Variants in ZNF292 observed in about 807,000 individuals in gnomAD.
The protein encoded by ZNF292 is zinc finger protein 292, also known as 16 zinc-finger domain protein.
A neutral mutation model predicts 217.9 loss-of-function variants in ZNF292; 26 were observed. That is an observed-to-expected ratio of 0.12 (90% confidence interval 0.09 to 0.17). The LOEUF is 0.17. Among genes scored for constraint, ZNF292 ranks in the 10% least tolerant of loss-of-function variants. The probability of loss-of-function intolerance (pLI) is 1.00; values close to 1 mark genes in which losing one functional copy is unlikely to be tolerated. For synonymous variants in ZNF292, 1,257 were observed against 1,124.1 expected, an observed-to-expected ratio of 1.12 and a Z score of -2.37; for missense variants, 2,904 against 3,175.2, an observed-to-expected ratio of 0.91 and a Z score of 2.05.
chr6:87,260,134 T>C lies in ZNF292; in HGVS notation c.6505T>C (p.Leu2169=). The C allele has an allele frequency of 3.1e-6, 5 of 1,613,368 alleles. No homozygotes were observed. The South Asian group carries it at 5.5e-5, about 18-fold the overall frequency. ...TGAAGAAACTGAAACTAAACAAACT[T>C]TGAAAGAATTTCGATGTCAGGTAAG... is the stretch of plus-strand genomic sequence containing the variant. The part of the protein sequence containing the change: ...ESEETETKQT[L]KEFRCQVSDC... The change falls in exon 8 of 8, where the codon TTG becomes CTG. Residue 2169 remains leucine, a synonymous_variant. Coordinates refer to ENST00000369577, the MANE Select transcript of ZNF292 (RefSeq NM_015021.3).
chr6:87,160,668 T>C (rs1229495126), intron 1 of ZNF292, among the ~76,000 whole-genome samples: 3 of 125,586 alleles, frequency 2.4e-5, no homozygotes, highest in Non-Finnish European at 4.8e-5. Context: ...TATATACATA[T>C]ATATGATGTG....
chr6:87,194,109 T>G (rs769462473), intron 1 of ZNF292, among the ~76,000 whole-genome samples: 1 of 152,126 alleles, frequency 6.6e-6, no homozygotes, highest in Admixed American at 6.6e-5. Context: ...TGTGGAAACT[T>G]TTTCATGTCG....
chr6:87,180,664 C>G (rs184024602), intron 1 of ZNF292, among the ~76,000 whole-genome samples: 5 of 132,568 alleles, frequency 3.8e-5, no homozygotes, highest in Admixed American at 3.2e-4. Context: ...TGCTCAACCT[C>G]GAGCCCCTTA....
chr6:87,224,156 CA>C (rs1222981697), intron 4 of ZNF292, among the ~76,000 whole-genome samples: 2 of 152,132 alleles, frequency 1.3e-5, no homozygotes, highest in Non-Finnish European at 2.9e-5. Flanking sequence ...TGCTTTTGTA[CA>C]GTTCTTTTTT....
At chr6:87,179,981 C>G (rs1264637591) in intron 1 of ZNF292, among the ~76,000 whole-genome samples, 3 of 152,078 alleles carry the variant, frequency 2.0e-5, no homozygotes, top group Admixed American at 1.3e-4. Flanking sequence ...GTGCCAGTTA[C>G]CAGATTCTCT....
chr6:87,191,195 T>G (rs1185107549), intron 1 of ZNF292, among the ~76,000 whole-genome samples: 1 of 152,128 alleles, frequency 6.6e-6, no homozygotes, highest in Non-Finnish European at 1.5e-5. Context: ...AAACCAGAAG[T>G]GTTCAATGTT....
chr6:87,258,148 G>A lies in ZNF292; in HGVS notation c.4519G>A (p.Glu1507Lys), dbSNP rs750773292. The change falls in exon 8 of 8, where the codon GAA (glutamate) becomes AAA (lysine). Residue 1507 changes from glutamate (E) to lysine (K), a missense_variant. Coordinates refer to ENST00000369577, the MANE Select transcript of ZNF292 (RefSeq NM_015021.3). ...AGIPSTFEGAEMLSHVSTGCV... is the reference protein window; with the variant it reads ...AGIPSTFEGAKMLSHVSTGCV... ...CATTCCCAGTACATTTGAGGGTGCC[G>A]AAATGCTTTCTCATGTTTCAACAGG... is the stretch of plus-strand genomic sequence containing the variant. 62 of 1,611,648 alleles carry A rather than the reference G, an allele frequency of 3.8e-5. No individual in the cohort carries two copies. Among genetic ancestry groups the A allele is most frequent in the Middle Eastern group, 3.3e-4 (2 of 6,084 alleles).
chr6:87,190,931 TG>T lies in ZNF292; in HGVS notation c.169-24971del, dbSNP rs1207194057. 4.6e-5 allele frequency among the ~76,000 whole-genome samples: 7 copies of T among 152,336 alleles called. No individual in the cohort carries two copies. The East Asian group carries it at 1.2e-3, about 25-fold the overall frequency. On this transcript the variant is annotated intron_variant, in intron 1 of 7. Transcript: ENST00000369577. ...AGCAATACAAATATCTTCCTTAAAT[TG>T]TTCCACTCTTCAGAGGTAGCTGTTT...
At chr6:87,159,183 G>A (rs1770637683) in intron 1 of ZNF292, among the ~76,000 whole-genome samples, 1 of 152,102 alleles carries the variant, frequency 6.6e-6, no homozygotes, top group African/African-American at 2.4e-5. Context: ...ATTCTGAGTA[G>A]CAGAATAGAA....
rs768071045 is a variant in ZNF292 at position 87,256,663 on chromosome 6, A to C, written c.3034A>C (p.Lys1012Gln). 6.2e-7 allele frequency: 1 copy of C among 1,613,530 alleles called. No homozygotes were observed. The highest frequency in any genetic ancestry group is 1.1e-5 in the South Asian group (1 of 91,076). Residue 1012 changes from lysine (K) to glutamine (Q), a missense_variant, in exon 8 of 8, where the codon AAA becomes CAA. By Grantham distance (53) the Lys-to-Gln change is moderately conservative. Around this residue, in one of 15 missense-constraint regions of ZNF292, gnomAD observed 687 missense variants for 623.0 expected, o/e 1.10. Coordinates refer to ENST00000369577, the MANE Select transcript of ZNF292 (RefSeq NM_015021.3). ...QNSLVNSETL[K>Q]IGDLTPQNLE... ...TTCTTTAGTAAATTCAGAAACTCTCAAAATAGGTGACCTTACCCCACAAAA... is the reference window on the plus strand; with the variant it reads ...TTCTTTAGTAAATTCAGAAACTCTCCAAATAGGTGACCTTACCCCACAAAA...
chr6:87,226,538 C>T (rs897616540), intron 4 of ZNF292, among the ~76,000 whole-genome samples: 2 of 150,358 alleles, frequency 1.3e-5, no homozygotes, highest in African/African-American at 4.9e-5. Flanking sequence ...AATTATATGA[C>T]CCAAAGTTTT....
At chr6:87,160,720 G>T (rs1770717930) in intron 1 of ZNF292, among the ~76,000 whole-genome samples, 1 of 151,648 alleles carries the variant, frequency 6.6e-6, no homozygotes. Context: ...GTTCATATAA[G>T]CAGGGCTTCT....
chr6:87,173,253 C>T (rs1771166647), intron 1 of ZNF292: 1 of 151,896 alleles, frequency 6.6e-6, no homozygotes, highest in African/African-American at 2.4e-5. Flanking sequence ...GTTTTGTAAA[C>T]TGCTGATGTA....
Position 87,263,604 on chromosome 6 carries a change from C to T in ZNF292, c.*1803C>T, listed in dbSNP as rs1775714955. ...CTGTTTAAGACTTACTACCAATAAGCATAAAACCTGACACGTTAAAATCCC... is the reference window on the plus strand; with the variant it reads ...CTGTTTAAGACTTACTACCAATAAGTATAAAACCTGACACGTTAAAATCCC... On this transcript the variant is annotated 3_prime_UTR_variant, in exon 8 of 8. Transcript: ENST00000369577. 6.6e-6 allele frequency: 1 copy of T among 151,896 alleles called. No homozygotes were observed. Among genetic ancestry groups the T allele is most frequent in the African/African-American group, 2.4e-5 (1 of 41,376 alleles). 9.4% of individuals were successfully genotyped at this position (151,896 alleles called of 1,614,324 possible). A position where few individuals can be genotyped will look rare whatever the true frequency, so the allele number is the denominator to read the frequency against.
At chr6:87,191,851 A>G (rs1005251373) in intron 1 of ZNF292, among the ~76,000 whole-genome samples, 1 of 152,018 alleles carries the variant, frequency 6.6e-6, no homozygotes, top group Non-Finnish European at 1.5e-5. Flanking sequence ...TAGTAGAGAC[A>G]GAGTTTCACC....
At chr6:87,228,576 T>A (rs1054418978) in intron 4 of ZNF292, among the ~76,000 whole-genome samples, 2 of 152,232 alleles carry the variant, frequency 1.3e-5, no homozygotes, top group Admixed American at 1.3e-4. Flanking sequence ...TTCATCTAAG[T>A]CTTTAATCCG....
intron 1 of ZNF292, among the ~76,000 whole-genome samples, chr6:87,180,573 A>G (rs1224644592): frequency 1.3e-5 from 2 of 152,172 alleles, no homozygotes; most frequent in African/African-American, 2.4e-5. Flanking sequence ...CTTCCCCTGC[A>G]TGTCTACTTA....
chr6:87,263,882 A>T lies in ZNF292; in HGVS notation c.*2081A>T, dbSNP rs897827937. ...AGGTTTATTTCTGATCATTGTAACT[A>T]TGAGCCACTGTTAAGTGAAAATGCC... On this transcript the variant is annotated 3_prime_UTR_variant, in exon 8 of 8. Coordinates refer to ENST00000369577, the MANE Select transcript of ZNF292 (RefSeq NM_015021.3). 1 of 152,128 alleles carries T rather than the reference A, an allele frequency of 6.6e-6. No homozygotes were observed. The highest frequency in any genetic ancestry group is 1.5e-5 in the Non-Finnish European group (1 of 67,992). The allele number at this position is 152,128 out of a possible 1,614,324, so 9.4% of individuals were successfully genotyped here. A position where few individuals can be genotyped will look rare whatever the true frequency, so the allele number is the denominator to read the frequency against.
At chr6:87,226,645 A>T (rs889224173) in intron 4 of ZNF292, among the ~76,000 whole-genome samples, 2 of 113,172 alleles carry the variant, frequency 1.8e-5, no homozygotes, top group Non-Finnish European at 3.4e-5. Flanking sequence ...ATATCTATAT[A>T]TCTATATATA....
Sources: gnomAD v4.1 joint callset for allele counts (sites outside exome capture counted in the v4.1 genomes callset) on GRCh38, gnomAD v4.1.1 for gene constraint, gnomAD v4.1.1 regional missense constraint, MANE v1.5 for transcripts, NCBI Gene and HGNC (gene_info 2026-07-23, HGNC 2026-07-21) for gene names.